AGTPBP1: variants seen among roughly 807,000 people sequenced by gnomAD.
AGTPBP1 encodes ATP/GTP binding carboxypeptidase 1.
Under a neutral mutation model 143.9 loss-of-function variants are expected in AGTPBP1, and 70 were observed. The ratio of observed to expected loss-of-function variants is 0.49; its 90% CI spans 0.40 to 0.59. The LOEUF is 0.59. AGTPBP1 is among the 20% of genes least tolerant of loss of function. The pLI is 0.00. For synonymous variants in AGTPBP1, 463 were observed against 500.2 expected, an observed-to-expected ratio of 0.93 and a Z score of 0.99; for missense variants, 1,229 against 1,464.5, an observed-to-expected ratio of 0.84 and a Z score of 2.62.
intron 2 of AGTPBP1, among the ~76,000 whole-genome samples, chr9:85,708,639 G>C (rs529440787): frequency 6.6e-6 from 1 of 152,276 alleles, no homozygotes; most frequent in South Asian, 2.1e-4. Flanking sequence ...CTGGGTTCAA[G>C]CAATTCTCCT....
intron 25 of AGTPBP1, among the ~76,000 whole-genome samples, chr9:85,551,759 A>G (rs2118412156): frequency 6.6e-6 from 1 of 152,354 alleles, no homozygotes. Context: ...AAATGCTTTC[A>G]TAGACATTAT....
chr9:85,776,893 T>A, the AGTPBP1 span, among the ~76,000 whole-genome samples: 1 of 152,188 alleles, frequency 6.6e-6, no homozygotes, highest in South Asian at 2.1e-4. Context: ...CCTTGGTCCC[T>A]GGACTCGTGA....
chr9:85,554,747 A>C (rs1334482174), intron 25 of AGTPBP1, among the ~76,000 whole-genome samples: 1 of 152,196 alleles, frequency 6.6e-6, no homozygotes, highest in Non-Finnish European at 1.5e-5. Flanking sequence ...CAGGAAAAAT[A>C]TTCCAACAGA....
In AGTPBP1 at chr9:85,734,990, G is replaced by A. The variant is rs371431658; in HGVS notation, c.-34+6785C>T. 5.2e-4 allele frequency among the ~76,000 whole-genome samples: 79 copies of A among 152,202 alleles called. 1 individual carries two copies. In the South Asian group the frequency reaches 0.015, roughly 28 times the overall value. ...GCAAAGGTTGCAGTGAGCTGAGATC[G>A]CGCCACTGCCCTCCAGCCTGGGCAA... On this transcript the variant is annotated intron_variant, in intron 1 of 25. Transcript: ENST00000357081.
chr9:85,638,713 T>C (rs191146716), intron 13 of AGTPBP1, among the ~76,000 whole-genome samples: 1 of 152,010 alleles, frequency 6.6e-6, no homozygotes, highest in African/African-American at 2.4e-5. Context: ...TTCATAATGA[T>C]AAAAAGTCCA....
At position 85,588,337 on chromosome 9, in the gene AGTPBP1, A is replaced by G; in HGVS notation, c.2864T>C (p.Ile955Thr). 6.2e-7 allele frequency: 1 copy of G among 1,610,454 alleles called. No individual in the cohort carries two copies. The highest frequency in any genetic ancestry group is 8.5e-7 in the Non-Finnish European group (1 of 1,178,746). Residue 955 changes from isoleucine to threonine, a missense_variant, in exon 21 of 26, where the codon ATT becomes ACT. By Grantham distance (89) the Ile-to-Thr change is moderately conservative. Transcript: ENST00000357081. ...QSLRESYIFKIVPMLNPDGVI... is the reference protein window; with the variant it reads ...QSLRESYIFKTVPMLNPDGVI... ...ACCATCTGGATTTAACATAGGGACA[A>G]TTTTAAAAATATAAGATTCTCGTAA...
chr9:85,694,327 G>A (rs962949776), intron 2 of AGTPBP1, among the ~76,000 whole-genome samples: 8 of 151,584 alleles, frequency 5.3e-5, no homozygotes, highest in Non-Finnish European at 8.8e-5. Flanking sequence ...TCAATTAATC[G>A]ACTTGTAGGC....
chr9:85,580,237 CAAA>C (rs1239351591), intron 23 of AGTPBP1, among the ~76,000 whole-genome samples: 5 of 88,400 alleles, frequency 5.7e-5, no homozygotes, highest in Admixed American at 1.2e-4. Context: ...AACTCCATCT[CAAA>C]AAAAAAAAAA....
At chr9:85,709,863 T>C (rs1425318487) in intron 2 of AGTPBP1, among the ~76,000 whole-genome samples, 2 of 152,178 alleles carry the variant, frequency 1.3e-5, no homozygotes, top group African/African-American at 4.8e-5. Flanking sequence ...AATATTTTAC[T>C]AGACGTGCTT....
chr9:85,683,034 C>T (rs1263264619), intron 3 of AGTPBP1, among the ~76,000 whole-genome samples: 2 of 152,272 alleles, frequency 1.3e-5, no homozygotes, highest in Admixed American at 6.5e-5. Context: ...ATCTCGGGTT[C>T]AGTTAATGGA....
At chr9:85,743,926 CTTTT>C (rs10576766), upstream of AGTPBP1, among the ~76,000 whole-genome samples, 16 of 132,418 alleles carry the variant, frequency 1.2e-4, no homozygotes, top group Middle Eastern at 3.6e-3. Flanking sequence ...CTTTTTCTTT[CTTTT>C]TTTTTTTTTT....
chr9:85,662,188 C>A (rs1346117682), intron 8 of AGTPBP1, among the ~76,000 whole-genome samples: 6 of 152,122 alleles, frequency 3.9e-5, no homozygotes, highest in Non-Finnish European at 8.8e-5. Flanking sequence ...ACAGCAAAAT[C>A]TGAAACAATA....
At chr9:85,655,638 G>A (rs1833451548) in intron 10 of AGTPBP1, among the ~76,000 whole-genome samples, 1 of 150,112 alleles carries the variant, frequency 6.7e-6, no homozygotes, top group Non-Finnish European at 1.5e-5. Flanking sequence ...TAATTTAAGG[G>A]AAAAGGGGGA....
chr9:85,669,789 T>A (rs1834370937), intron 7 of AGTPBP1, among the ~76,000 whole-genome samples: 1 of 121,944 alleles, frequency 8.2e-6, no homozygotes, highest in Non-Finnish European at 1.6e-5. Context: ...CTGAAACGAG[T>A]TATATGCAAA....
At chr9:85,739,518 GGGTAACAT>G (rs1564200541) in intron 1 of AGTPBP1, among the ~76,000 whole-genome samples, 1 of 152,134 alleles carries the variant, frequency 6.6e-6, no homozygotes, top group East Asian at 1.9e-4. Flanking sequence ...AGACGAGCTT[GGGTAACAT>G]GGTGAAACCC....
rs533792609 is a variant in AGTPBP1 at position 85,655,953 on chromosome 9, G to A, written c.910-633C>T. 9.5e-4 allele frequency among the ~76,000 whole-genome samples: 145 copies of A among 152,160 alleles called. 1 individual carries two copies. Among genetic ancestry groups the A allele is most frequent in the African/African-American group, 2.8e-3 (115 of 41,534 alleles). On this transcript the variant is annotated intron_variant, in intron 10 of 25. Transcript: ENST00000357081. ...TACCATTCTCCTGCCTCAGCCTCCCGAGTAGCTGGGACTACAGGTGCCCGA... is the reference window on the plus strand; with the variant it reads ...TACCATTCTCCTGCCTCAGCCTCCCAAGTAGCTGGGACTACAGGTGCCCGA...
intron 1 of AGTPBP1, among the ~76,000 whole-genome samples, chr9:85,714,834 T>C (rs1350572012): frequency 6.6e-6 from 1 of 152,192 alleles, no homozygotes; most frequent in Non-Finnish European, 1.5e-5. Context: ...ATATGGTATA[T>C]ATCTGTTAAA....
At chr9:85,744,261 G>A (rs900069955), upstream of AGTPBP1, among the ~76,000 whole-genome samples, 14 of 151,950 alleles carry the variant, frequency 9.2e-5, no homozygotes, top group African/African-American at 3.4e-4. Context: ...TTTCCACAGA[G>A]GTCTGCTTCA....
intron 8 of AGTPBP1, among the ~76,000 whole-genome samples, chr9:85,668,995 G>A (rs1587862154): frequency 1.2e-5 from 1 of 85,550 alleles, no homozygotes; most frequent in African/African-American, 4.5e-5. Context: ...GTGTGTGTGT[G>A]TGTGTGTGTG....
Sources: gnomAD v4.1 joint callset for allele counts (sites outside exome capture counted in the v4.1 genomes callset) on GRCh38, gnomAD v4.1.1 for gene constraint, MANE v1.5 for transcripts, NCBI Gene and HGNC (gene_info 2026-07-23, HGNC 2026-07-21) for gene names.